LRP6: variants seen among roughly 807,000 people sequenced by gnomAD.
The protein encoded by LRP6 is low-density lipoprotein receptor-related protein 6.
Under a neutral mutation model 184.1 loss-of-function variants are expected in LRP6, and 43 were observed. The ratio of observed to expected loss-of-function variants is 0.23; its 90% CI spans 0.18 to 0.30. The LOEUF (loss-of-function observed/expected upper bound fraction) is 0.30, where lower values mean the gene tolerates loss of function less well. LRP6 is among the 10% of genes least tolerant of loss of function. The pLI, the probability that LRP6 is intolerant of heterozygous loss-of-function variation, is 1.00. For synonymous variants in LRP6, 719 were observed against 684.9 expected (o/e 1.05, Z -0.78); for missense variants, 1,571 against 2,005.3 (o/e 0.78, Z 4.14).
chr12:12,179,824 T>C lies in LRP6; in HGVS notation c.1531A>G (p.Thr511Ala). ...EGKIYWGDAK[T>A]DKIEVMNTDG... ...AAAAAACAAACCTCAATCTTGTCTG[T>C]TTTGGCATCTCCCCAGTATATTTTG... Residue 511 changes from threonine to alanine, a missense_variant, in exon 7 of 23, where the codon ACA becomes GCA. By Grantham distance (58) the Thr-to-Ala change is moderately conservative. Around this residue, in one of 4 missense-constraint regions of LRP6, gnomAD observed 640 missense variants for 851.9 expected, o/e 0.75. Coordinates refer to ENST00000261349, the MANE Select transcript of LRP6 (RefSeq NM_002336.3). The C allele has an allele frequency of 6.2e-7, 1 of 1,613,758 alleles. No homozygotes were observed. The highest frequency in any genetic ancestry group is 8.5e-7 in the Non-Finnish European group (1 of 1,179,774).
In LRP6 at chr12:12,155,426, T is replaced by C. The variant is rs1344669767; in HGVS notation, c.2791+3403A>G. The C allele has an allele frequency of 2.4e-5, 22 of 904,622 alleles. 1 individual carries two copies. Among genetic ancestry groups the C allele is most frequent in the South Asian group, 1.8e-4 (14 of 77,244 alleles). 56.0% of individuals were successfully genotyped at this position (904,622 alleles called of 1,614,324 possible). A position where few individuals can be genotyped will look rare whatever the true frequency, so the allele number is the denominator to read the frequency against. ...CTGTTCAAAAGGAATGCCCCACAAG[T>C]GTTACCACTGCAAAACTGGAAGGGT... On this transcript the variant is annotated intron_variant, in intron 12 of 22. Transcript: ENST00000261349.
intron 3 of LRP6, among the ~76,000 whole-genome samples, chr12:12,200,158 A>G (rs1341995891): frequency 6.6e-6 from 1 of 152,110 alleles, no homozygotes; most frequent in African/African-American, 2.4e-5. Flanking sequence ...CTGGGTGCCC[A>G]ACATCACATT....
intron 15 of LRP6, among the ~76,000 whole-genome samples, chr12:12,146,453 A>G (rs956188559): frequency 3.3e-5 from 5 of 152,234 alleles, no homozygotes; most frequent in Admixed American, 6.5e-5. Context: ...GGAGGCCAAC[A>G]CAGACTATAT....
intron 1 of LRP6, among the ~76,000 whole-genome samples, chr12:12,255,303 GA>G (rs536708561): frequency 1.4e-3 from 182 of 129,130 alleles, no homozygotes; most frequent in Middle Eastern, 0.012. Flanking sequence ...GCTGACTGCA[GA>G]AAAAAAAAAA....
In LRP6 at chr12:12,120,034, TA is replaced by T. The variant is rs1949582737; in HGVS notation, c.*1091del. The T allele has an allele frequency of 7.5e-5, 9 of 119,242 alleles. No homozygotes were observed. The highest frequency in any genetic ancestry group is 1.6e-4 in the Non-Finnish European group (9 of 56,548). 7.4% of individuals were successfully genotyped at this position (119,242 alleles called of 1,614,324 possible). On this transcript the variant is annotated 3_prime_UTR_variant, in exon 23 of 23. Transcript: ENST00000261349. ...ATATATATATATATATATATATATA[TA>T]TATATATAAATGATTTCGTACTGTG...
At chr12:12,205,345 A>C (rs1437226515) in intron 2 of LRP6, among the ~76,000 whole-genome samples, 9 of 146,422 alleles carry the variant, frequency 6.1e-5, no homozygotes, top group East Asian at 3.9e-4. Flanking sequence ...AAAAAAAAAA[A>C]AAAAAAAAAA....
intron 7 of LRP6, among the ~76,000 whole-genome samples, chr12:12,172,036 C>G (rs1863060647): frequency 1.3e-5 from 2 of 152,176 alleles, no homozygotes; most frequent in African/African-American, 4.8e-5. Context: ...TTAGGCAATT[C>G]CAAAAGATTA....
At chr12:12,253,828 A>T (rs1423030359) in intron 1 of LRP6, among the ~76,000 whole-genome samples, 3 of 152,082 alleles carry the variant, frequency 2.0e-5, no homozygotes, top group Non-Finnish European at 4.4e-5. Context: ...GCTACAGGCC[A>T]GAGTGCACTT....
chr12:12,151,768 C>G (rs572915598), intron 12 of LRP6, among the ~76,000 whole-genome samples: 79 of 152,132 alleles, frequency 5.2e-4, no homozygotes, highest in Admixed American at 9.2e-4. Context: ...GTCTCGAACT[C>G]CTGGGCTCAA....
At chr12:12,245,996 C>CTTTTTT (rs71061029) in intron 1 of LRP6, among the ~76,000 whole-genome samples, 8 of 90,184 alleles carry the variant, frequency 8.9e-5, no homozygotes, top group East Asian at 3.6e-4. Context: ...TTTATATAAA[C>CTTTTTT]TTTTTTTTTT....
intron 1 of LRP6, among the ~76,000 whole-genome samples, chr12:12,263,805 G>C (rs1865688753): frequency 6.6e-6 from 1 of 151,960 alleles, no homozygotes; most frequent in Non-Finnish European, 1.5e-5. Context: ...CTGCACTCCA[G>C]CCTAGGCAAC....
chr12:12,258,221 A>G (rs1043983470), intron 1 of LRP6, among the ~76,000 whole-genome samples: 1 of 152,122 alleles, frequency 6.6e-6, no homozygotes, highest in African/African-American at 2.4e-5. Flanking sequence ...GGCTCAAGTG[A>G]TCCTCCTGCC....
intron 3 of LRP6, among the ~76,000 whole-genome samples, chr12:12,196,203 ATTTTTT>A (rs138570486): frequency 7.0e-6 from 1 of 142,074 alleles, no homozygotes; most frequent in Non-Finnish European, 1.5e-5. Context: ...AAATTTTAGG[ATTTTTT>A]TTTTTTTCTA....
intron 16 of LRP6, among the ~76,000 whole-genome samples, chr12:12,136,852 T>C (rs1284565355): frequency 6.6e-6 from 1 of 152,206 alleles, no homozygotes; most frequent in Non-Finnish European, 1.5e-5. Flanking sequence ...GAAAAAATGA[T>C]TTACCTAATA....
At chr12:12,249,043 G>A (rs1419989851) in intron 1 of LRP6, 4 of 672,760 alleles carry the variant, frequency 5.9e-6, no homozygotes, top group Non-Finnish European at 1.1e-5. Context: ...TCCCACTTTT[G>A]GAAGAACTCA....
At chr12:12,157,198 T>C (rs1698940005) in intron 12 of LRP6, among the ~76,000 whole-genome samples, 2 of 152,170 alleles carry the variant, frequency 1.3e-5, no homozygotes, top group Admixed American at 1.3e-4. Context: ...TGATAGTCCA[T>C]CATCTATGAC....
rs1172149674 is a variant in LRP6, at chr12:12,120,090, A to G, written c.*1036T>C. On this transcript the variant is annotated 3_prime_UTR_variant, in exon 23 of 23. Transcript: ENST00000261349. ...ATGCTGAAAGTAGTGCAAGGATATGAGATTTACAACAAAAACATAATGGTT... is the reference window on the plus strand; with the variant it reads ...ATGCTGAAAGTAGTGCAAGGATATGGGATTTACAACAAAAACATAATGGTT... The G allele has an allele frequency of 1.4e-5, 2 of 143,524 alleles. No homozygotes were observed. Among genetic ancestry groups the G allele is most frequent in the East Asian group, 2.1e-4 (1 of 4,850 alleles). 8.9% of individuals were successfully genotyped at this position (143,524 alleles called of 1,614,324 possible).
intron 22 of LRP6, among the ~76,000 whole-genome samples, chr12:12,122,612 A>AAAAG (rs932253522): frequency 1.3e-5 from 2 of 152,046 alleles, no homozygotes; most frequent in Non-Finnish European, 2.9e-5. Context: ...TAGTCTTTAA[A>AAAAG]AAAGAAAGAA....
chr12:12,187,806 C>A (rs1863513991), intron 3 of LRP6, among the ~76,000 whole-genome samples: 1 of 152,092 alleles, frequency 6.6e-6, no homozygotes, highest in Non-Finnish European at 1.5e-5. Flanking sequence ...TGAGACAAAG[C>A]AGATCCAAAA....
Sources: gnomAD v4.1 joint callset for allele counts (sites outside exome capture counted in the v4.1 genomes callset) on GRCh38, gnomAD v4.1.1 for gene constraint, gnomAD v4.1.1 regional missense constraint, MANE v1.5 for transcripts, NCBI Gene and HGNC (gene_info 2026-07-23, HGNC 2026-07-21) for gene names.